The following NRDC variants were observed in gnomAD, a reference collection of about 807,000 sequenced individuals.
NRDC encodes the protein nardilysin.
In NRDC, 54 loss-of-function variants were observed where a neutral mutation model predicts 147.1. That is an observed-to-expected ratio of 0.37 (90% CI 0.29 to 0.46). The LOEUF (loss-of-function observed/expected upper bound fraction) is 0.46, where lower values mean the gene tolerates loss of function less well. Ranked by LOEUF, NRDC falls within the 20% of genes least tolerant of loss-of-function variation. NRDC has a pLI of 1.00. For synonymous variants in NRDC, 440 were observed against 482.1 expected (o/e 0.91, Z 1.14); for missense variants, 1,082 against 1,370.6 (o/e 0.79, Z 3.33).
At chr1:51,847,033 C>G (rs564371321) in intron 1 of NRDC, among the ~76,000 whole-genome samples, 1 of 141,336 alleles carries the variant, frequency 7.1e-6, no homozygotes, top group African/African-American at 2.5e-5. Flanking sequence ...CACAGAGTGC[C>G]GATTGGTGCA....
At chr1:51,859,374 C>T (rs1236863589) in intron 1 of NRDC, among the ~76,000 whole-genome samples, 1 of 152,142 alleles carries the variant, frequency 6.6e-6, no homozygotes, top group Non-Finnish European at 1.5e-5. Context: ...TACTTGCTTG[C>T]TTGTTTTTGG....
At chr1:51,811,599 T>A (rs1350455935) in intron 15 of NRDC, among the ~76,000 whole-genome samples, 4 of 152,218 alleles carry the variant, frequency 2.6e-5, no homozygotes, top group Non-Finnish European at 4.4e-5. Context: ...TACATTTTTT[T>A]AATAAATATT....
At chr1:51,872,930 T>C (rs1211442932) in intron 1 of NRDC, among the ~76,000 whole-genome samples, 1 of 150,256 alleles carries the variant, frequency 6.7e-6, no homozygotes, top group African/African-American at 2.5e-5. Context: ...ACTTGTTCAT[T>C]TGTTATCAGA....
At chr1:51,825,144 C>T (rs957289952) in intron 6 of NRDC, 143 bp downstream of exon 6, 17 of 611,924 alleles carry the variant, frequency 2.8e-5, no homozygotes, top group Non-Finnish European at 4.0e-5. Context: ...AACAACTTCG[C>T]GTTTGAAAGG....
intron 2 of NRDC, chr1:51,836,491 G>A (rs1571884309): frequency 6.9e-7 from 1 of 1,447,556 alleles, no homozygotes; most frequent in Non-Finnish European, 9.6e-7. Flanking sequence ...GGACTGGACA[G>A]CCCACCCAAA....
At chr1:51,834,287 G>A in intron 3 of NRDC, 117 bp from the exon 4 acceptor site, 1 of 1,028,410 alleles carries the variant, frequency 9.7e-7, no homozygotes, top group Non-Finnish European at 1.4e-6. Context: ...CACATCAAAT[G>A]GTTATGTCTG....
chr1:51,820,009 A>C, intron 8 of NRDC, 136 bp from the exon 9 acceptor site: 2 of 650,478 alleles, frequency 3.1e-6, no homozygotes, highest in East Asian at 5.7e-5. Context: ...GGCATGAACA[A>C]ATAGATGGCA....
chr1:51,864,057 A>C (rs759976496), intron 1 of NRDC, among the ~76,000 whole-genome samples: 1 of 152,202 alleles, frequency 6.6e-6, no homozygotes, highest in Non-Finnish European at 1.5e-5. Flanking sequence ...ATCTCATGTA[A>C]TTTACTGATA....
chr1:51,795,072 T>C (rs1678834337), intron 22 of NRDC: 2 of 1,458,878 alleles, frequency 1.4e-6, no homozygotes, highest in African/African-American at 2.8e-5. Context: ...CTGGCTCTCT[T>C]GGCAATCTGT....
intron 1 of NRDC, among the ~76,000 whole-genome samples, chr1:51,846,735 G>C (rs1244273874): frequency 2.0e-5 from 3 of 152,256 alleles, no homozygotes; most frequent in Admixed American, 6.5e-5. Flanking sequence ...CTCGACCCAA[G>C]TGGGTTATCA....
chr1:51,794,594 G>A lies in NRDC; in HGVS notation c.2653C>T (p.Pro885Ser), dbSNP rs1678801641. 3.1e-6 allele frequency: 5 copies of A among 1,614,176 alleles called. No individual in the cohort carries two copies. Among genetic ancestry groups the A allele is most frequent in the Non-Finnish European group, 3.4e-6 (4 of 1,180,012 alleles). ...TGCACAGGCATCTCCTGCTCCAGAG[G>A]CTTGAAGTTTAGTTTGCTGCAAGAG... ...KYVVDKLNFK[P>S]LEQEMPVQFQ... Residue 885 changes from proline to serine, a missense_variant, in exon 24 of 31, where the codon CCT becomes TCT. Pro to Ser is a moderately conservative substitution (Grantham distance 74). Around this residue, in one of 3 missense-constraint regions of NRDC, gnomAD observed 635 missense variants for 923.8 expected, o/e 0.69. Coordinates refer to ENST00000352171, the MANE Select transcript of NRDC (RefSeq NM_001101662.2).
intron 20 of NRDC, among the ~76,000 whole-genome samples, chr1:51,801,808 A>G (rs1459407207): frequency 6.6e-6 from 1 of 151,408 alleles, no homozygotes. Context: ...TTTTTTTGAG[A>G]TGGAGTCTTC....
chr1:51,844,854 G>C (rs1048688874), intron 1 of NRDC, among the ~76,000 whole-genome samples: 37 of 144,530 alleles, frequency 2.6e-4, no homozygotes, highest in South Asian at 9.3e-4. Flanking sequence ...AGGAAGGAAG[G>C]AAGGAAGGAA....
At chr1:51,835,624 G>A (rs1194635056) in intron 3 of NRDC, among the ~76,000 whole-genome samples, 1 of 151,052 alleles carries the variant, frequency 6.6e-6, no homozygotes, top group African/African-American at 2.4e-5. Context: ...ATGCCACCAC[G>A]CCCAACTAAT....
At chr1:51,815,459 C>T (rs758286075) in intron 11 of NRDC, among the ~76,000 whole-genome samples, 2 of 152,006 alleles carry the variant, frequency 1.3e-5, no homozygotes, top group Non-Finnish European at 2.9e-5. Context: ...TGAGACTATA[C>T]CTTTCCCTGA....
At chr1:51,852,441 C>T (rs1682000615) in intron 1 of NRDC, among the ~76,000 whole-genome samples, 1 of 53,292 alleles carries the variant, frequency 1.9e-5, no homozygotes, top group South Asian at 6.7e-4. Flanking sequence ...GTATATATAA[C>T]TATATATATA....
rs113580738 is a variant in NRDC at position 51,797,631 on chromosome 1, C to T, written c.2604+618G>A. Among the ~76,000 whole-genome samples, 311 of 152,246 alleles carry T rather than the reference C, an allele frequency of 2.0e-3. 1 individual carries two copies. Among genetic ancestry groups the T allele is most frequent in the African/African-American group, 7.3e-3 (305 of 41,544 alleles). On this transcript the variant is annotated intron_variant, in intron 22 of 30. Transcript: ENST00000352171. ...CACATCCCTCACCATTTCCTTCCTC[C>T]CATTTTAGCCTCTATACTAAACTGT...
At chr1:51,868,171 A>G (rs1378574372) in intron 1 of NRDC, among the ~76,000 whole-genome samples, 4 of 152,220 alleles carry the variant, frequency 2.6e-5, no homozygotes, top group Non-Finnish European at 5.9e-5. Context: ...TCCCTTCAAA[A>G]AATTCAACAT....
At chr1:51,805,876 GAAC>G (rs1679438601) in intron 18 of NRDC, among the ~76,000 whole-genome samples, 1 of 152,126 alleles carries the variant, frequency 6.6e-6, no homozygotes, top group African/African-American at 2.4e-5. Flanking sequence ...AACATTAAGA[GAAC>G]AACTCCAGCA....
Sources: gnomAD v4.1 joint callset for allele counts (sites outside exome capture counted in the v4.1 genomes callset) on GRCh38, gnomAD v4.1.1 for gene constraint, gnomAD v4.1.1 regional missense constraint, MANE v1.5 for transcripts, NCBI Gene and HGNC (gene_info 2026-07-23, HGNC 2026-07-21) for gene names.